The following OSBPL1A variants were observed in gnomAD, a reference collection of about 807,000 sequenced individuals.
The protein encoded by OSBPL1A is oxysterol-binding protein-related protein 1.
Under a neutral mutation model 137.1 loss-of-function variants are expected in OSBPL1A, and 80 were observed. The ratio of observed to expected loss-of-function variants is 0.58; its 90% CI spans 0.49 to 0.70. The LOEUF (loss-of-function observed/expected upper bound fraction) is 0.70. OSBPL1A is among the 30% of genes least tolerant of loss of function. The pLI is 0.00. For missense variants in OSBPL1A, 970 were observed against 1,129.4 expected (o/e 0.86, Z 2.02); for synonymous variants, 365 against 389.7 (o/e 0.94, Z 0.75).
At chr18:24,317,539 C>A in intron 9 of OSBPL1A, 139 bp from the exon 10 acceptor site, 2 of 701,830 alleles carry the variant, frequency 2.8e-6, no homozygotes, top group South Asian at 3.5e-5. Context: ...AATGATCAAA[C>A]ATGAACTTAG....
intron 14 of OSBPL1A, among the ~76,000 whole-genome samples, chr18:24,300,833 CT>C (rs2090386276): frequency 6.6e-6 from 1 of 152,160 alleles, no homozygotes; most frequent in African/African-American, 2.4e-5. Context: ...CTCTCTCTCT[CT>C]CAATACAGGG....
In OSBPL1A at chr18:24,318,641, A is replaced by G. The variant is rs2090783197; in HGVS notation, c.692T>C (p.Ile231Thr). Residue 231 changes from isoleucine to threonine, a missense_variant, in exon 9 of 28, where the codon ATC becomes ACC. Physicochemically the swap from Ile to Thr is moderately conservative, Grantham distance 89. Around this residue, in one of 2 missense-constraint regions of OSBPL1A, gnomAD observed 647 missense variants for 672.6 expected, o/e 0.96. Coordinates refer to ENST00000319481, the MANE Select transcript of OSBPL1A (RefSeq NM_080597.4). ...MKHILVGNKV[I>T]YKALKRYEGP... Reference sequence around the variant, plus strand: ...CTCATATCGTTTCAATGCTTTGTAGATGACCTGTCAAAAACATGTTTTCAT... The same window carrying G: ...CTCATATCGTTTCAATGCTTTGTAGGTGACCTGTCAAAAACATGTTTTCAT... 9.3e-6 allele frequency: 15 copies of G among 1,609,860 alleles called. No homozygotes were observed. The highest frequency in any genetic ancestry group is 1.3e-5 in the Non-Finnish European group (15 of 1,179,176).
intron 14 of OSBPL1A, among the ~76,000 whole-genome samples, chr18:24,294,220 GTT>G (rs78960811): frequency 5.0e-4 from 75 of 148,612 alleles, no homozygotes; most frequent in African/African-American, 1.8e-3. Context: ...ATATGTGGTT[GTT>G]TTTTTTTTTG....
At chr18:24,191,587 C>A (rs1312285187) in intron 18 of OSBPL1A, among the ~76,000 whole-genome samples, 1 of 152,150 alleles carries the variant, frequency 6.6e-6, no homozygotes, top group Non-Finnish European at 1.5e-5. Context: ...CAATTGTAAT[C>A]AAATACTAAC....
chr18:24,324,603 TAAAAAAAAA>T lies in OSBPL1A; in HGVS notation c.626-5803_626-5795del, dbSNP rs71163674. On this transcript the variant is annotated intron_variant, in intron 7 of 27. Coordinates refer to ENST00000319481, the MANE Select transcript of OSBPL1A (RefSeq NM_080597.4). ...CCCAATAAAAACATGAATATGAATA[TAAAAAAAAA>T]AAAAAAAAAAAAAAAAAAAAAATTA... 6.9e-3 allele frequency among the ~76,000 whole-genome samples: 39 copies of T among 5,656 alleles called. 3 individuals carry two copies. Among genetic ancestry groups the T allele is most frequent in the East Asian group, 0.044 (29 of 654 alleles). The allele number at this position is 5,656 out of a possible 152,430, so 3.7% of individuals were successfully genotyped here.
intron 1 of OSBPL1A, among the ~76,000 whole-genome samples, chr18:24,378,441 G>A (rs929176058): frequency 7.2e-5 from 11 of 152,046 alleles, no homozygotes; most frequent in African/African-American, 2.7e-4. Context: ...ACTTTGTCTA[G>A]GCAACTCTAT....
chr18:24,289,629 C>T (rs2090140510), intron 14 of OSBPL1A, among the ~76,000 whole-genome samples: 1 of 152,050 alleles, frequency 6.6e-6, no homozygotes, highest in African/African-American at 2.4e-5. Flanking sequence ...CCATGTTGGG[C>T]AGGCTGGTCT....
chr18:24,306,529 C>T (rs1471236985), intron 13 of OSBPL1A, among the ~76,000 whole-genome samples: 1 of 152,052 alleles, frequency 6.6e-6, no homozygotes, highest in African/African-American at 2.4e-5. Context: ...AAAAAAGACA[C>T]CTAAGAGCAC....
intron 27 of OSBPL1A, among the ~76,000 whole-genome samples, chr18:24,163,521 A>G (rs1305898531): frequency 2.6e-5 from 4 of 152,244 alleles, no homozygotes; most frequent in African/African-American, 9.6e-5. Context: ...ACCAGGATCT[A>G]GCAAGCTACT....
intron 1 of OSBPL1A, among the ~76,000 whole-genome samples, chr18:24,395,708 G>A (rs1039958248): frequency 1.3e-5 from 2 of 151,380 alleles, no homozygotes; most frequent in East Asian, 4.0e-4. Flanking sequence ...TACCATCTCC[G>A]CCTCCTGGGT....
At chr18:24,244,342 AGTGGGTCCC>A (rs2088817866) in intron 15 of OSBPL1A, among the ~76,000 whole-genome samples, 1 of 152,204 alleles carries the variant, frequency 6.6e-6, no homozygotes, top group African/African-American at 2.4e-5. Flanking sequence ...TCACAGAACT[AGTGGGTCCC>A]AACAGATATG....
At chr18:24,304,541 A>G (rs906372770) in intron 13 of OSBPL1A, among the ~76,000 whole-genome samples, 2 of 152,170 alleles carry the variant, frequency 1.3e-5, no homozygotes, top group African/African-American at 4.8e-5. Flanking sequence ...AAAATAGAAA[A>G]TATTTATTCT....
chr18:24,205,825 C>T (rs1324724726), intron 17 of OSBPL1A, among the ~76,000 whole-genome samples: 1 of 152,136 alleles, frequency 6.6e-6, no homozygotes, highest in Non-Finnish European at 1.5e-5. Flanking sequence ...GTTTCTATTG[C>T]CCTGGAGAAA....
intron 15 of OSBPL1A, among the ~76,000 whole-genome samples, chr18:24,250,174 G>GTTTTT (rs1233264916): frequency 0.033 from 2,508 of 74,874 alleles, 203 homozygotes; most frequent in Non-Finnish European, 0.043. Flanking sequence ...TTGTTTGTTT[G>GTTTTT]TTTGTTTGTT....
At chr18:24,387,978 G>A (rs1907053520) in intron 1 of OSBPL1A, among the ~76,000 whole-genome samples, 2 of 152,060 alleles carry the variant, frequency 1.3e-5, no homozygotes, top group Admixed American at 1.3e-4. Context: ...TGACTTGAAG[G>A]CTTACCACAT....
At chr18:24,290,264 A>T (rs1280071947) in intron 14 of OSBPL1A, among the ~76,000 whole-genome samples, 10 of 152,232 alleles carry the variant, frequency 6.6e-5, no homozygotes, top group Non-Finnish European at 1.5e-4. Flanking sequence ...AAAATCCCAG[A>T]TATGCTAGAA....
intron 15 of OSBPL1A, among the ~76,000 whole-genome samples, chr18:24,272,951 G>T (rs2089757256): frequency 6.6e-6 from 1 of 152,116 alleles, no homozygotes; most frequent in Admixed American, 6.5e-5. Flanking sequence ...TGTCGCCCAG[G>T]CTGGAGTGTA....
intron 5 of OSBPL1A, among the ~76,000 whole-genome samples, chr18:24,336,333 G>T (rs1412777931): frequency 6.6e-6 from 1 of 152,172 alleles, no homozygotes; most frequent in Non-Finnish European, 1.5e-5. Context: ...TGAAGGAAAA[G>T]GGTCAGGAAT....
intron 1 of OSBPL1A, among the ~76,000 whole-genome samples, chr18:24,390,071 T>G (rs16940691): frequency 6.6e-6 from 1 of 152,174 alleles, no homozygotes; most frequent in South Asian, 2.1e-4. Flanking sequence ...TATTTAACAA[T>G]GTGCCCTTTT....
Sources: gnomAD v4.1 joint callset for allele counts (sites outside exome capture counted in the v4.1 genomes callset) on GRCh38, gnomAD v4.1.1 for gene constraint, gnomAD v4.1.1 regional missense constraint, MANE v1.5 for transcripts, NCBI Gene and HGNC (gene_info 2026-07-23, HGNC 2026-07-21) for gene names.